Variants in GRK5 observed in about 807,000 individuals in gnomAD.
GRK5 encodes G protein-coupled receptor kinase 5.
A neutral mutation model predicts 78.4 loss-of-function variants in GRK5; 40 were observed. That is an observed-to-expected ratio of 0.51 (90% CI 0.40 to 0.66). The LOEUF (loss-of-function observed/expected upper bound fraction) is 0.66, where lower values mean the gene tolerates loss of function less well. Ranked by LOEUF, GRK5 falls within the 30% of genes least tolerant of loss-of-function variation. The pLI, the probability that GRK5 is intolerant of heterozygous loss-of-function variation, is 0.00. For missense variants in GRK5, 598 were observed against 759.9 expected, an observed-to-expected ratio of 0.79 and a Z score of 2.50; for synonymous variants, 289 against 296.8, an observed-to-expected ratio of 0.97 and a Z score of 0.27.
rs1409137783 is a variant in GRK5 at position 119,398,594 on chromosome 10, A to G, written c.339+1822A>G. 2.0e-5 allele frequency among the ~76,000 whole-genome samples: 3 copies of G among 152,158 alleles called. No individual in the cohort carries two copies. In the East Asian group the frequency reaches 5.8e-4, roughly 29 times the overall value. On this transcript the variant is annotated intron_variant, in intron 4 of 15. Coordinates refer to ENST00000392870, the MANE Select transcript of GRK5 (RefSeq NM_005308.3). ...TACCCAGTCACATGTGTCCCCCCCAAACAATGGCAACTAGAATGTATTGAG... is the reference window on the plus strand; with the variant it reads ...TACCCAGTCACATGTGTCCCCCCCAGACAATGGCAACTAGAATGTATTGAG...
At chr10:119,291,940 T>TCTTTTTCCTCCTTCTCTTCCTC (rs1173357182) in intron 1 of GRK5, among the ~76,000 whole-genome samples, 2 of 149,246 alleles carry the variant, frequency 1.3e-5, no homozygotes, top group African/African-American at 2.5e-5. Context: ...CTTTTCCTCC[T>TCTTTTTCCTCCTTCTCTTCCTC]CTTTTTCCTC....
At chr10:119,444,716 A>G (rs1380985704) in intron 12 of GRK5, among the ~76,000 whole-genome samples, 1 of 152,028 alleles carries the variant, frequency 6.6e-6, no homozygotes, top group African/African-American at 2.4e-5. Flanking sequence ...CCACAGATGT[A>G]CCCCGTATCC....
chr10:119,434,136 C>T (rs759100608), intron 8 of GRK5, among the ~76,000 whole-genome samples: 1 of 152,204 alleles, frequency 6.6e-6, no homozygotes, highest in Non-Finnish European at 1.5e-5. Flanking sequence ...TTATCTCCCA[C>T]CGGGTCCCTC....
chr10:119,307,286 A>G (rs1046025249), intron 1 of GRK5, among the ~76,000 whole-genome samples: 1 of 152,040 alleles, frequency 6.6e-6, no homozygotes. Context: ...CTGCATGATT[A>G]AGGCTGAATC....
chr10:119,324,455 T>C (rs1850640353), intron 1 of GRK5, among the ~76,000 whole-genome samples: 1 of 152,218 alleles, frequency 6.6e-6, no homozygotes, highest in African/African-American at 2.4e-5. Context: ...GGTGAAACCC[T>C]GTCTCTACTG....
At chr10:119,303,456 C>T (rs1233850936) in intron 1 of GRK5, among the ~76,000 whole-genome samples, 2 of 151,944 alleles carry the variant, frequency 1.3e-5, no homozygotes, top group Middle Eastern at 3.2e-3. Flanking sequence ...GCCAGCAGGG[C>T]GAAGGCTGTG....
At chr10:119,261,097 CAGACTGGGTGGCTGCCGGGCGGAGGGGT>C in intron 1 of GRK5, among the ~76,000 whole-genome samples, 2 of 146,954 alleles carry the variant, frequency 1.4e-5, no homozygotes, top group African/African-American at 5.0e-5. Context: ...CCTCACTTCC[CAGACTGGGTGGCTGCCGGGCGGAGGGGT>C]TCCTCACTTT....
At chr10:119,237,062 CTTTTTT>C (rs11393484) in intron 1 of GRK5, among the ~76,000 whole-genome samples, 16 of 119,150 alleles carry the variant, frequency 1.3e-4, no homozygotes, top group African/African-American at 5.3e-4. Flanking sequence ...TTTGCCTTAC[CTTTTTT>C]TTTTTTTTTT....
intron 3 of GRK5, among the ~76,000 whole-genome samples, chr10:119,396,118 T>C (rs1166573199): frequency 6.6e-6 from 1 of 152,238 alleles, no homozygotes; most frequent in Non-Finnish European, 1.5e-5. Context: ...TTATTTATGA[T>C]GGGCCAGGCC....
At chr10:119,321,589 C>G in intron 1 of GRK5, among the ~76,000 whole-genome samples, 1 of 152,226 alleles carries the variant, frequency 6.6e-6, no homozygotes, top group East Asian at 1.9e-4. Context: ...CTGTTGGTGA[C>G]AGTGGGCCCA....
chr10:119,225,702 G>A (rs1323778392), intron 1 of GRK5, among the ~76,000 whole-genome samples: 4 of 139,754 alleles, frequency 2.9e-5, no homozygotes, highest in African/African-American at 2.7e-5. Flanking sequence ...ATAGAGTCTC[G>A]CTCTGTCACC....
At chr10:119,376,057 C>A (rs934133019) in intron 2 of GRK5, among the ~76,000 whole-genome samples, 2 of 152,234 alleles carry the variant, frequency 1.3e-5, no homozygotes, top group African/African-American at 4.8e-5. Context: ...AGACTCCTGG[C>A]CTGAGAGTCC....
intron 2 of GRK5, among the ~76,000 whole-genome samples, chr10:119,341,258 T>C (rs1476390662): frequency 2.6e-5 from 4 of 152,164 alleles, no homozygotes; most frequent in Non-Finnish European, 4.4e-5. Context: ...CTTTCTGAAA[T>C]GTCAGTCTGC....
intron 2 of GRK5, among the ~76,000 whole-genome samples, chr10:119,341,257 A>G (rs935394092): frequency 6.6e-5 from 10 of 152,070 alleles, no homozygotes; most frequent in African/African-American, 2.4e-4. Flanking sequence ...TCTTTCTGAA[A>G]TGTCAGTCTG....
At chr10:119,341,282 T>C (rs573285106) in intron 2 of GRK5, among the ~76,000 whole-genome samples, 1 of 152,362 alleles carries the variant, frequency 6.6e-6, no homozygotes, top group Admixed American at 6.5e-5. Context: ...CGCCACCACC[T>C]GCTTCAGTAG....
At chr10:119,420,380 G>T (rs1254899397) in intron 4 of GRK5, among the ~76,000 whole-genome samples, 4 of 149,862 alleles carry the variant, frequency 2.7e-5, no homozygotes, top group Non-Finnish European at 4.4e-5. Context: ...AAGAAAGAAG[G>T]TTTGAAAGCC....
At chr10:119,409,676 T>A (rs1205036482) in intron 4 of GRK5, among the ~76,000 whole-genome samples, 1 of 151,974 alleles carries the variant, frequency 6.6e-6, no homozygotes, top group Non-Finnish European at 1.5e-5. Context: ...GGGCAGGTTC[T>A]CTTGAATTTC....
chr10:119,375,475 C>T (rs934284314), intron 2 of GRK5, among the ~76,000 whole-genome samples: 15 of 152,240 alleles, frequency 9.9e-5, no homozygotes, highest in African/African-American at 3.6e-4. Flanking sequence ...CCCTCTGCCA[C>T]GACACCTTCC....
intron 1 of GRK5, among the ~76,000 whole-genome samples, chr10:119,319,615 G>A (rs145626538): frequency 9.2e-5 from 14 of 152,328 alleles, no homozygotes; most frequent in Non-Finnish European, 1.3e-4. Flanking sequence ...GACTCATTAC[G>A]GGTACCTGGA....
Sources: gnomAD v4.1 joint callset for allele counts (sites outside exome capture counted in the v4.1 genomes callset) on GRCh38, gnomAD v4.1.1 for gene constraint, MANE v1.5 for transcripts, NCBI Gene and HGNC (gene_info 2026-07-23, HGNC 2026-07-21) for gene names.